REEP3: variants seen among roughly 807,000 people sequenced by gnomAD.
REEP3 encodes the protein receptor expression-enhancing protein 3.
REEP3 carries 20 observed loss-of-function variants against 41.3 expected under a neutral mutation model. That is an observed-to-expected ratio of 0.48 (90% CI 0.34 to 0.70). REEP3 has a LOEUF of 0.70. Among genes scored for constraint, REEP3 ranks in the 30% least tolerant of loss-of-function variants. The pLI is 0.01. For missense variants in REEP3, 271 were observed against 308.8 expected, an observed-to-expected ratio of 0.88 and a Z score of 0.92; for synonymous variants, 104 against 101.8, an observed-to-expected ratio of 1.02 and a Z score of -0.13.
At chr10:63,532,178 T>A (rs937781764) in intron 1 of REEP3, among the ~76,000 whole-genome samples, 4 of 152,184 alleles carry the variant, frequency 2.6e-5, no homozygotes, top group African/African-American at 7.2e-5. Context: ...TTCCTAACTA[T>A]TAACAGTGTC....
chr10:63,620,727 A>G (rs1267369020), intron 7 of REEP3, 86 bp from the exon 8 acceptor site: 5 of 831,500 alleles, frequency 6.0e-6, no homozygotes, highest in Middle Eastern at 3.6e-4. Flanking sequence ...AGGTAAAAAA[A>G]TTACTATGAT....
At chr10:63,554,985 G>A (rs1004559199) in intron 1 of REEP3, among the ~76,000 whole-genome samples, 2 of 152,118 alleles carry the variant, frequency 1.3e-5, no homozygotes, top group Non-Finnish European at 2.9e-5. Flanking sequence ...TTGAGTCTGA[G>A]TTGCTGTAGC....
intron 1 of REEP3, among the ~76,000 whole-genome samples, chr10:63,524,658 C>G (rs1955341885): frequency 6.6e-6 from 1 of 152,048 alleles, no homozygotes; most frequent in South Asian, 2.1e-4. Flanking sequence ...ATTGGCCAGG[C>G]TGGCCTTGAA....
intron 1 of REEP3, among the ~76,000 whole-genome samples, chr10:63,564,989 G>A (rs1459929226): frequency 6.6e-6 from 1 of 152,230 alleles, no homozygotes; most frequent in Non-Finnish European, 1.5e-5. Context: ...AGGGCATGGT[G>A]GCTCATGCCT....
chr10:63,575,608 A>G (rs1955891494), intron 2 of REEP3, among the ~76,000 whole-genome samples: 1 of 150,426 alleles, frequency 6.6e-6, no homozygotes, highest in Non-Finnish European at 1.5e-5. Flanking sequence ...TTTTTGTTCT[A>G]CTTTCTGATT....
intron 1 of REEP3, among the ~76,000 whole-genome samples, chr10:63,556,627 TTG>T (rs1315775434): frequency 3.5e-3 from 7 of 1,986 alleles, no homozygotes; most frequent in African/African-American, 0.011. Flanking sequence ...TTTTTTTTTG[TTG>T]TTTTGTTTTT....
chr10:63,593,708 C>T (rs911181687), intron 2 of REEP3, among the ~76,000 whole-genome samples: 2 of 152,172 alleles, frequency 1.3e-5, no homozygotes, highest in African/African-American at 2.4e-5. Flanking sequence ...GGAGAATTAA[C>T]TCAGAAAACA....
intron 2 of REEP3, among the ~76,000 whole-genome samples, chr10:63,580,498 A>G (rs554811190): frequency 6.6e-6 from 1 of 152,334 alleles, no homozygotes; most frequent in Non-Finnish European, 1.5e-5. Context: ...ATCTGTAAGA[A>G]ATGTAGCATG....
chr10:63,594,400 ATAAC>A, intron 2 of REEP3, among the ~76,000 whole-genome samples: 1 of 152,270 alleles, frequency 6.6e-6, no homozygotes, highest in East Asian at 1.9e-4. Flanking sequence ...AAATAAATAA[ATAAC>A]TTATAGTCTT....
rs1956355602 is a variant in REEP3 at position 63,621,850 on chromosome 10, A to C, written c.*981A>C. 1 of 152,206 alleles carries C rather than the reference A, an allele frequency of 6.6e-6. No individual in the cohort carries two copies. The highest frequency in any genetic ancestry group is 2.4e-5 in the African/African-American group (1 of 41,464). The allele number at this position is 152,206 out of a possible 1,614,324, so 9.4% of individuals were successfully genotyped here. ...TAACTCATATAATTTTTCTCAGCCAATCCATTCACAAGCTTGGCATTGACA... is the reference window on the plus strand; with the variant it reads ...TAACTCATATAATTTTTCTCAGCCACTCCATTCACAAGCTTGGCATTGACA... On this transcript the variant is annotated 3_prime_UTR_variant, in exon 8 of 8. Coordinates refer to ENST00000373758, the MANE Select transcript of REEP3 (RefSeq NM_001001330.3).
chr10:63,536,737 C>G (rs1236119258), intron 1 of REEP3, among the ~76,000 whole-genome samples: 1 of 151,972 alleles, frequency 6.6e-6, no homozygotes, highest in Non-Finnish European at 1.5e-5. Flanking sequence ...CCAATGGCAA[C>G]TAGACATATA....
chr10:63,587,878 A>G (rs1250121433), intron 2 of REEP3, among the ~76,000 whole-genome samples: 1 of 152,162 alleles, frequency 6.6e-6, no homozygotes, highest in Non-Finnish European at 1.5e-5. Context: ...CCTTTTATGG[A>G]CAGCAGTACA....
At chr10:63,546,341 CA>C (rs1452109202) in intron 1 of REEP3, among the ~76,000 whole-genome samples, 2 of 152,056 alleles carry the variant, frequency 1.3e-5, no homozygotes, top group Admixed American at 1.3e-4. Context: ...TAGCAGTGGT[CA>C]GATGCTAGAT....
intron 1 of REEP3, among the ~76,000 whole-genome samples, chr10:63,522,844 T>A (rs1955299974): frequency 6.6e-6 from 1 of 152,158 alleles, no homozygotes; most frequent in South Asian, 2.1e-4. Flanking sequence ...AAAATCAAGA[T>A]ATAAACAAAA....
At chr10:63,545,680 G>GTTT (rs55779021) in intron 1 of REEP3, among the ~76,000 whole-genome samples, 968 of 55,460 alleles carry the variant, frequency 0.017, 96 homozygotes, top group East Asian at 0.028. Context: ...GCCAACTTCT[G>GTTT]TTTTTTTTTT....
chr10:63,591,115 GT>G (rs1956058005), intron 2 of REEP3, among the ~76,000 whole-genome samples: 1 of 102,838 alleles, frequency 9.7e-6, no homozygotes. Context: ...TAGGTTTTGT[GT>G]TTTTGTTTTT....
At chr10:63,556,420 C>T (rs1955680378) in intron 1 of REEP3, among the ~76,000 whole-genome samples, 1 of 151,854 alleles carries the variant, frequency 6.6e-6, no homozygotes, top group Non-Finnish European at 1.5e-5. Context: ...CCATGCCTGG[C>T]CTATGATTCT....
rs1455221324 is a variant in REEP3, at chr10:63,603,248, G to A, written c.417+3965G>A. On this transcript the variant is annotated intron_variant, in intron 5 of 7. Transcript: ENST00000373758. Reference sequence around the variant, plus strand: ...GAATGGTGTGAACCCAGGAGGCGGAGCTTGCAGTGAGCCGAGATCGCGCCA... The same window carrying A: ...GAATGGTGTGAACCCAGGAGGCGGAACTTGCAGTGAGCCGAGATCGCGCCA... Among the ~76,000 whole-genome samples the A allele has an allele frequency of 4.3e-5, 6 of 138,846 alleles. No individual in the cohort carries two copies. In the East Asian group the frequency reaches 1.3e-3, roughly 31 times the overall value. 91.1% of individuals were successfully genotyped at this position (138,846 alleles called of 152,430 possible). A position where few individuals can be genotyped will look rare whatever the true frequency, so the allele number is the denominator to read the frequency against.
intron 1 of REEP3, among the ~76,000 whole-genome samples, chr10:63,534,312 ACAGT>A (rs1206707209): frequency 6.6e-6 from 1 of 151,882 alleles, no homozygotes; most frequent in African/African-American, 2.4e-5. Context: ...GTGCAGTGGC[ACAGT>A]CATAGTTCAC....
Sources: gnomAD v4.1 joint callset for allele counts (sites outside exome capture counted in the v4.1 genomes callset) on GRCh38, gnomAD v4.1.1 for gene constraint, MANE v1.5 for transcripts, NCBI Gene and HGNC (gene_info 2026-07-23, HGNC 2026-07-21) for gene names.